The following PTPN13 variants were observed in gnomAD, a reference collection of about 807,000 sequenced individuals.
PTPN13 encodes protein tyrosine phosphatase non-receptor type 13, also known as tyrosine-protein phosphatase non-receptor type 13.
PTPN13 carries 191 observed loss-of-function variants against 284.0 expected under a neutral mutation model. The ratio of observed to expected loss-of-function variants is 0.67; its 90% confidence interval spans 0.60 to 0.76. The LOEUF (loss-of-function observed/expected upper bound fraction) is 0.76. Among genes scored for constraint, PTPN13 ranks in the 30% least tolerant of loss-of-function variants. The pLI, the probability that PTPN13 is intolerant of heterozygous loss-of-function variation, is 0.00. For synonymous variants in PTPN13, 986 were observed against 1,022.3 expected, an observed-to-expected ratio of 0.96 and a Z score of 0.68; for missense variants, 2,797 against 2,939.9, an observed-to-expected ratio of 0.95 and a Z score of 1.12.
intron 28 of PTPN13, among the ~76,000 whole-genome samples, chr4:86,769,294 T>G (rs145938335): frequency 1.5e-3 from 230 of 152,248 alleles, no homozygotes; most frequent in African/African-American, 5.3e-3. Flanking sequence ...TGTCCTTCTG[T>G]GGAGTTTCCC....
intron 40 of PTPN13, among the ~76,000 whole-genome samples, chr4:86,788,734 T>C (rs1742273492): frequency 6.6e-6 from 1 of 152,252 alleles, no homozygotes; most frequent in Non-Finnish European, 1.5e-5. Flanking sequence ...ATCTGACTAA[T>C]TTTGCTGGGG....
At chr4:86,658,084 T>G (rs2148836355) in intron 2 of PTPN13, among the ~76,000 whole-genome samples, 1 of 152,342 alleles carries the variant, frequency 6.6e-6, no homozygotes, top group East Asian at 1.9e-4. Flanking sequence ...GCCACTTTAG[T>G]CAGCTGGTGG....
intron 2 of PTPN13, among the ~76,000 whole-genome samples, chr4:86,639,769 T>C (rs1723543664): frequency 6.6e-6 from 1 of 151,982 alleles, no homozygotes; most frequent in African/African-American, 2.4e-5. Context: ...GCATGGCACT[T>C]GTATACATAT....
Position 86,732,674 on chromosome 4 carries a change from A to T in PTPN13, c.1766A>T (p.Asp589Val), listed in dbSNP as rs1457618690. 5.6e-6 allele frequency: 9 copies of T among 1,613,724 alleles called. No individual in the cohort carries two copies. Among genetic ancestry groups the T allele is most frequent in the Non-Finnish European group, 7.6e-6 (9 of 1,179,708 alleles). ...GGGCAAAGACTGGAACTGACCTGTG[A>T]TACCAAAACTATATGTAAAGATGTG... ...LNGQRLELTCDTKTICKDVFD... is the reference protein window; with the variant it reads ...LNGQRLELTCVTKTICKDVFD... Residue 589 changes from aspartate to valine, a missense_variant, in exon 12 of 48, where the codon GAT becomes GTT. Asp to Val is a radical substitution (Grantham distance 152, BLOSUM62 -3). Transcript: ENST00000411767.
At chr4:86,684,387 G>A (rs1228186319) in intron 3 of PTPN13, among the ~76,000 whole-genome samples, 1 of 152,126 alleles carries the variant, frequency 6.6e-6, no homozygotes, top group African/African-American at 2.4e-5. Context: ...AAATTATCTA[G>A]ATGTGCCTAG....
At chr4:86,604,225 A>C (rs192414263) in intron 1 of PTPN13, among the ~76,000 whole-genome samples, 146 of 152,160 alleles carry the variant, frequency 9.6e-4, no homozygotes, top group African/African-American at 3.4e-3. Context: ...GGATAAATTT[A>C]ATCTATTTCT....
rs111339522 is a variant in PTPN13, at chr4:86,613,558, C to G, written c.-6+18769C>G. ...CTGAGGCAGGGGAATGGCATGAACC[C>G]GGGAGGCGGCGCTTGCAGTGAGCCA... On this transcript the variant is annotated intron_variant, in intron 1 of 47. Transcript: ENST00000411767. Among the ~76,000 whole-genome samples, 4 of 148,866 alleles carry G rather than the reference C, an allele frequency of 2.7e-5. No homozygotes were observed. The East Asian group carries it at 8.0e-4, about 30-fold the overall frequency.
intron 7 of PTPN13, among the ~76,000 whole-genome samples, chr4:86,703,210 C>T (rs1164255240): frequency 1.3e-5 from 2 of 151,956 alleles, no homozygotes; most frequent in East Asian, 1.9e-4. Flanking sequence ...TAACCTTGAT[C>T]GAATACTTTC....
At chr4:86,656,947 G>A (rs1422735565) in intron 2 of PTPN13, among the ~76,000 whole-genome samples, 7 of 152,298 alleles carry the variant, frequency 4.6e-5, no homozygotes, top group South Asian at 4.1e-4. Context: ...CCCGAGCCTC[G>A]CTGCCGCCTT....
chr4:86,746,975 A>G, intron 17 of PTPN13, among the ~76,000 whole-genome samples: 1 of 152,342 alleles, frequency 6.6e-6, no homozygotes, highest in Middle Eastern at 3.4e-3. Flanking sequence ...CTCTGCTAGA[A>G]AGTTTATATG....
chr4:86,622,206 C>T (rs1228037987), intron 1 of PTPN13, among the ~76,000 whole-genome samples: 1 of 152,092 alleles, frequency 6.6e-6, no homozygotes, highest in African/African-American at 2.4e-5. Flanking sequence ...GAGAATAAGA[C>T]CATTGCCCTT....
At chr4:86,708,959 T>G (rs1451195748) in intron 7 of PTPN13, among the ~76,000 whole-genome samples, 1 of 151,686 alleles carries the variant, frequency 6.6e-6, no homozygotes, top group East Asian at 1.9e-4. Flanking sequence ...TTTCTTTCTC[T>G]CCTCCCCACT....
At chr4:86,769,057 AC>A (rs1198033808) in intron 28 of PTPN13, among the ~76,000 whole-genome samples, 1 of 151,792 alleles carries the variant, frequency 6.6e-6, no homozygotes, top group African/African-American at 2.4e-5. Context: ...ACCCAAGCCA[AC>A]CATGAGCAAA....
chr4:86,772,304 A>G (rs1740087909), intron 31 of PTPN13, among the ~76,000 whole-genome samples: 1 of 152,216 alleles, frequency 6.6e-6, no homozygotes, highest in Non-Finnish European at 1.5e-5. Flanking sequence ...CTGTAATCCC[A>G]GCATTTTGGG....
rs533312248 is a variant in PTPN13, at chr4:86,639,644, A to G, written c.115+4273A>G. Among the ~76,000 whole-genome samples, 3 of 151,496 alleles carry G rather than the reference A, an allele frequency of 2.0e-5. No homozygotes were observed. In the East Asian group the frequency reaches 5.8e-4, roughly 29 times the overall value. ...AATTGAACAATGAGAACACATGGAC[A>G]CAGGAAGGGAAACATCACACTCTGG... On this transcript the variant is annotated intron_variant, in intron 2 of 47. Transcript: ENST00000411767.
intron 1 of PTPN13, among the ~76,000 whole-genome samples, chr4:86,623,133 T>C (rs1210928451): frequency 1.3e-5 from 2 of 152,154 alleles, no homozygotes; most frequent in Admixed American, 6.6e-5. Flanking sequence ...GGGAAGCTGA[T>C]GGTGTAACTC....
intron 20 of PTPN13, among the ~76,000 whole-genome samples, chr4:86,755,837 G>A: frequency 6.6e-6 from 1 of 151,858 alleles, no homozygotes. Flanking sequence ...TTGACTTAGG[G>A]TATTTTCAAC....
At chr4:86,601,571 A>G (rs890459004) in intron 1 of PTPN13, among the ~76,000 whole-genome samples, 1 of 152,148 alleles carries the variant, frequency 6.6e-6, no homozygotes, top group Non-Finnish European at 1.5e-5. Context: ...ATATGGTTAC[A>G]TAATATATCA....
At chr4:86,629,447 A>G (rs1041503275) in intron 1 of PTPN13, among the ~76,000 whole-genome samples, 1 of 151,720 alleles carries the variant, frequency 6.6e-6, no homozygotes, top group Non-Finnish European at 1.5e-5. Context: ...GTCAGGAAAC[A>G]ACAGGTGCTG....
Sources: gnomAD v4.1 joint callset for allele counts (sites outside exome capture counted in the v4.1 genomes callset) on GRCh38, gnomAD v4.1.1 for gene constraint, MANE v1.5 for transcripts, NCBI Gene and HGNC (gene_info 2026-07-23, HGNC 2026-07-21) for gene names.